SPIDR: variants seen among roughly 807,000 people sequenced by gnomAD.
SPIDR encodes DNA repair-scaffolding protein.
Under a neutral mutation model 104.6 loss-of-function variants are expected in SPIDR, and 93 were observed. The ratio of observed to expected loss-of-function variants is 0.89; its 90% confidence interval spans 0.75 to 1.06. The LOEUF is 1.06. SPIDR is among the 50% of genes least tolerant of loss of function. SPIDR has a pLI of 0.00. For synonymous variants in SPIDR, 431 were observed against 416.9 expected, an observed-to-expected ratio of 1.03 and a Z score of -0.41; for missense variants, 1,154 against 1,111.2, an observed-to-expected ratio of 1.04 and a Z score of -0.55.
At chr8:47,583,404 A>G (rs2059942292) in intron 8 of SPIDR, among the ~76,000 whole-genome samples, 1 of 152,138 alleles carries the variant, frequency 6.6e-6, no homozygotes, top group African/African-American at 2.4e-5. Flanking sequence ...GAGATTTAAC[A>G]ACTTAGGTTT....
rs544316633 is a variant in SPIDR, at chr8:47,547,145, G to A, written c.1098-48666G>A. 118 of 600,148 alleles carry A rather than the reference G, an allele frequency of 2.0e-4. No individual in the cohort carries two copies. The Middle Eastern group carries it at 3.7e-3, about 19-fold the overall frequency. The allele number at this position is 600,148 out of a possible 1,614,324, so 37.2% of individuals were successfully genotyped here. ...CATTCACCTTGATGGAGGGGATCAGGGTAGCAGATGATGCGAGCATCATGA... is the reference window on the plus strand; with the variant it reads ...CATTCACCTTGATGGAGGGGATCAGAGTAGCAGATGATGCGAGCATCATGA... On this transcript the variant is annotated intron_variant, in intron 8 of 19. Coordinates refer to ENST00000297423, the MANE Select transcript of SPIDR (RefSeq NM_001080394.4).
chr8:47,511,916 CT>C, intron 8 of SPIDR: 1 of 796,128 alleles, frequency 1.3e-6, no homozygotes, highest in Non-Finnish European at 2.3e-6. Context: ...TGAGTGAGAT[CT>C]CTAAAGGATG....
chr8:47,479,506 G>A (rs1367376818), intron 8 of SPIDR, among the ~76,000 whole-genome samples: 1 of 152,204 alleles, frequency 6.6e-6, no homozygotes, highest in Non-Finnish European at 1.5e-5. Flanking sequence ...GTCATAAACA[G>A]GCTCCTGTGG....
chr8:47,588,174 T>C (rs999973187), intron 8 of SPIDR, among the ~76,000 whole-genome samples: 1 of 147,530 alleles, frequency 6.8e-6, no homozygotes, highest in African/African-American at 2.5e-5. Context: ...TCCTTGATTT[T>C]GGCATCTTTA....
At chr8:47,697,289 A>G (rs188792783) in intron 11 of SPIDR, among the ~76,000 whole-genome samples, 23 of 152,142 alleles carry the variant, frequency 1.5e-4, no homozygotes, top group Admixed American at 1.5e-3. Context: ...CTGTTAAAAA[A>G]AAAAAAGAAA....
intron 10 of SPIDR, among the ~76,000 whole-genome samples, chr8:47,601,802 A>G (rs2062332472): frequency 6.6e-6 from 1 of 152,098 alleles, no homozygotes; most frequent in Non-Finnish European, 1.5e-5. Context: ...CCCTGGGGAG[A>G]CTTGGTTGGA....
At chr8:47,497,551 C>T (rs1020808526) in intron 8 of SPIDR, among the ~76,000 whole-genome samples, 5 of 152,028 alleles carry the variant, frequency 3.3e-5, no homozygotes, top group South Asian at 4.1e-4. Context: ...TTCATTTCGC[C>T]GTGGTCAAAT....
At chr8:47,507,089 A>G (rs2081593744) in intron 8 of SPIDR, among the ~76,000 whole-genome samples, 1 of 152,164 alleles carries the variant, frequency 6.6e-6, no homozygotes, top group Admixed American at 6.5e-5. Context: ...AAGCATTCAG[A>G]TGGACACCGT....
At chr8:47,410,429 C>A (rs769145017) in intron 7 of SPIDR, among the ~76,000 whole-genome samples, 6 of 152,084 alleles carry the variant, frequency 3.9e-5, no homozygotes, top group Admixed American at 3.9e-4. Context: ...GACGCACCCA[C>A]CTCAGCCTCC....
chr8:47,268,342 T>A (rs1211183218), intron 1 of SPIDR, among the ~76,000 whole-genome samples: 1 of 152,228 alleles, frequency 6.6e-6, no homozygotes, highest in African/African-American at 2.4e-5. Context: ...ATATGAATAA[T>A]AGCAGCTTGT....
intron 10 of SPIDR, among the ~76,000 whole-genome samples, chr8:47,638,859 A>G (rs535871374): frequency 6.6e-6 from 1 of 152,136 alleles, no homozygotes; most frequent in Non-Finnish European, 1.5e-5. Context: ...CAGCATTATC[A>G]CATACTCTAA....
At chr8:47,291,408 T>C (rs2039879763) in intron 4 of SPIDR, among the ~76,000 whole-genome samples, 2 of 152,172 alleles carry the variant, frequency 1.3e-5, no homozygotes, top group Admixed American at 1.3e-4. Context: ...AGGTGTACAG[T>C]AAAATGGTAT....
chr8:47,528,855 G>A (rs915205699), intron 8 of SPIDR, among the ~76,000 whole-genome samples: 15 of 152,058 alleles, frequency 9.9e-5, no homozygotes, highest in Non-Finnish European at 1.6e-4. Context: ...AATACCAGAG[G>A]AGAGGAAAGA....
chr8:47,588,026 CAT>C (rs71548440), intron 8 of SPIDR, among the ~76,000 whole-genome samples: 4 of 23,428 alleles, frequency 1.7e-4, no homozygotes, highest in African/African-American at 2.2e-4. Context: ...TTAAAATTAG[CAT>C]ATATATATAT....
intron 5 of SPIDR, among the ~76,000 whole-genome samples, chr8:47,350,203 A>G (rs559782039): frequency 6.6e-6 from 1 of 152,348 alleles, no homozygotes; most frequent in Non-Finnish European, 1.5e-5. Context: ...ATAACAAAGA[A>G]TATTTGCAGA....
intron 10 of SPIDR, among the ~76,000 whole-genome samples, chr8:47,664,059 A>G (rs912105302): frequency 7.2e-5 from 11 of 152,188 alleles, no homozygotes; most frequent in Non-Finnish European, 1.5e-4. Flanking sequence ...CCACTCCTCC[A>G]CCATCCAAAC....
intron 8 of SPIDR, among the ~76,000 whole-genome samples, chr8:47,451,581 A>AACACACACACACACAC (rs56269650): frequency 6.8e-6 from 1 of 148,038 alleles, no homozygotes; most frequent in African/African-American, 2.5e-5. Flanking sequence ...ACCCTGCCAA[A>AACACACACACACACAC]ACACACACAC....
chr8:47,678,064 A>G (rs2076658851), intron 11 of SPIDR, among the ~76,000 whole-genome samples: 1 of 152,028 alleles, frequency 6.6e-6, no homozygotes, highest in Non-Finnish European at 1.5e-5. Context: ...GAAAAAGTTA[A>G]TTCTCTCACT....
At chr8:47,322,925 C>T (rs540031939) in intron 5 of SPIDR, among the ~76,000 whole-genome samples, 2 of 152,054 alleles carry the variant, frequency 1.3e-5, no homozygotes, top group African/African-American at 4.8e-5. Flanking sequence ...ACATCATACG[C>T]CGGGGCCTGT....
Sources: gnomAD v4.1 joint callset for allele counts (sites outside exome capture counted in the v4.1 genomes callset) on GRCh38, gnomAD v4.1.1 for gene constraint, MANE v1.5 for transcripts, NCBI Gene and HGNC (gene_info 2026-07-23, HGNC 2026-07-21) for gene names.